FILIP1: variants seen among roughly 807,000 people sequenced by gnomAD.
FILIP1 encodes filamin-A-interacting protein 1.
FILIP1 carries 61 observed loss-of-function variants against 102.1 expected under a neutral mutation model. The observed-to-expected ratio is 0.60, with a 90% confidence interval of 0.49 to 0.74. The LOEUF is 0.74. FILIP1 is among the 30% of genes least tolerant of loss of function. The pLI, the probability that FILIP1 is intolerant of heterozygous loss-of-function variation, is 0.00. For synonymous variants in FILIP1, 491 were observed against 526.9 expected (o/e 0.93, Z 0.93); for missense variants, 1,314 against 1,441.2 (o/e 0.91, Z 1.43).
intron 4 of FILIP1, among the ~76,000 whole-genome samples, chr6:75,332,702 T>A (rs367944100): frequency 1.2e-4 from 19 of 152,336 alleles, no homozygotes; most frequent in African/African-American, 3.8e-4. Context: ...GTCCCTGAAT[T>A]CACAGTATGA....
intron 5 of FILIP1, among the ~76,000 whole-genome samples, chr6:75,309,299 C>T (rs1279305420): frequency 6.6e-6 from 1 of 152,140 alleles, no homozygotes; most frequent in Non-Finnish European, 1.5e-5. Flanking sequence ...TCGCTTTTCA[C>T]CTCCTAAAGA....
At chr6:75,372,703 AAG>A (rs1307079675) in intron 2 of FILIP1, among the ~76,000 whole-genome samples, 1 of 54,860 alleles carries the variant, frequency 1.8e-5, no homozygotes, top group Non-Finnish European at 3.4e-5. Flanking sequence ...AAGAGAAAGA[AAG>A]AAAGAAAGGA....
chr6:75,396,160 C>G (rs1776453508), intron 2 of FILIP1, among the ~76,000 whole-genome samples: 1 of 151,732 alleles, frequency 6.6e-6, no homozygotes, highest in South Asian at 2.1e-4. Context: ...GGACTGCAGA[C>G]AGGTCAGTAT....
At chr6:75,393,006 C>T (rs1410500280) in intron 2 of FILIP1, among the ~76,000 whole-genome samples, 1 of 152,168 alleles carries the variant, frequency 6.6e-6, no homozygotes, top group Non-Finnish European at 1.5e-5. Context: ...TCTTTATCAG[C>T]AGCATGAAAA....
exon 7 of FILIP1, chr6:75,295,697 T>C (rs1772649349): frequency 5.4e-6 from 2 of 372,590 alleles, no homozygotes; most frequent in South Asian, 2.8e-4. Context: ...TTTTGGCACA[T>C]AGATTGAATT....
chr6:75,364,920 A>G (rs1775278023), intron 2 of FILIP1, among the ~76,000 whole-genome samples: 1 of 152,200 alleles, frequency 6.6e-6, no homozygotes, highest in African/African-American at 2.4e-5. Flanking sequence ...GCTTAGACCA[A>G]ATCTGAAAGA....
chr6:75,319,303 G>A lies in FILIP1; in HGVS notation c.630-4101C>T, dbSNP rs188252487. On this transcript the variant is annotated intron_variant, in intron 4 of 5. Coordinates refer to ENST00000237172, the MANE Select transcript of FILIP1 (RefSeq NM_015687.5). ...CAGTTTCTTCCAGCATCACCAATGGGCAGGCCAGGATGTTCTTCTTTGATT... is the reference window on the plus strand; with the variant it reads ...CAGTTTCTTCCAGCATCACCAATGGACAGGCCAGGATGTTCTTCTTTGATT... 109 of 659,666 alleles carry A rather than the reference G, an allele frequency of 1.7e-4. No homozygotes were observed. The African/African-American group carries it at 1.8e-3, about 11-fold the overall frequency. 40.9% of individuals were successfully genotyped at this position (659,666 alleles called of 1,614,324 possible). A position where few individuals can be genotyped will look rare whatever the true frequency, so the allele number is the denominator to read the frequency against.
intron 1 of FILIP1, among the ~76,000 whole-genome samples, chr6:75,443,000 G>C (rs2149724474): frequency 6.6e-6 from 1 of 152,240 alleles, no homozygotes; most frequent in South Asian, 2.1e-4. Context: ...TTATATTTAT[G>C]GTCCACAGTG....
rs535527159 is a variant in FILIP1, at chr6:75,428,798, T to C, written c.-6-13820A>G. Among the ~76,000 whole-genome samples, 5 of 152,304 alleles carry C rather than the reference T, an allele frequency of 3.3e-5. 1 individual carries two copies. In the South Asian group the frequency reaches 1.0e-3, roughly 32 times the overall value. ...ATGATGCCCAACTGACCAAACCTTCTTTGCAGACATGGTTTCAGTGTGTGT... is the reference window on the plus strand; with the variant it reads ...ATGATGCCCAACTGACCAAACCTTCCTTGCAGACATGGTTTCAGTGTGTGT... On this transcript the variant is annotated intron_variant, in intron 1 of 5. Transcript: ENST00000237172.
At chr6:75,359,226 G>A (rs573694972) in intron 3 of FILIP1, among the ~76,000 whole-genome samples, 5 of 151,402 alleles carry the variant, frequency 3.3e-5, no homozygotes, top group African/African-American at 4.9e-5. Context: ...GGCTGGTCTC[G>A]AACTCCTGAC....
At chr6:75,326,068 T>TGATAGATA (rs776226164) in intron 4 of FILIP1, among the ~76,000 whole-genome samples, 46 of 149,200 alleles carry the variant, frequency 3.1e-4, no homozygotes, top group Middle Eastern at 3.4e-3. Flanking sequence ...AGATGATAGA[T>TGATAGATA]GATAGATAGA....
rs183084743 is a variant in FILIP1 at position 75,373,922 on chromosome 6, T to G, written c.277-11005A>C. On this transcript the variant is annotated intron_variant, in intron 2 of 5. Transcript: ENST00000237172. ...TACCTGGGAGGCTGAGAAGGGACGATCACTTGAGTCCAGGAGGTAGAACAC... is the reference window on the plus strand; with the variant it reads ...TACCTGGGAGGCTGAGAAGGGACGAGCACTTGAGTCCAGGAGGTAGAACAC... 3.2e-3 allele frequency among the ~76,000 whole-genome samples: 491 copies of G among 152,256 alleles called. 1 individual carries two copies. The highest frequency in any genetic ancestry group is 0.011 in the African/African-American group (472 of 41,548).
chr6:75,446,425 C>A (rs1216314681), intron 1 of FILIP1, among the ~76,000 whole-genome samples: 1 of 152,162 alleles, frequency 6.6e-6, no homozygotes, highest in Admixed American at 6.5e-5. Flanking sequence ...CTCCCTCTTG[C>A]ATGTTTAGCC....
At chr6:75,484,422 GTCTTT>G (rs1337100619) in intron 1 of FILIP1, among the ~76,000 whole-genome samples, 6 of 150,448 alleles carry the variant, frequency 4.0e-5, no homozygotes, top group Non-Finnish European at 8.9e-5. Flanking sequence ...TTAAAGTACT[GTCTTT>G]TAAAGTACTT....
intron 2 of FILIP1, among the ~76,000 whole-genome samples, chr6:75,392,274 C>T (rs1464311469): frequency 6.6e-6 from 1 of 152,110 alleles, no homozygotes; most frequent in Non-Finnish European, 1.5e-5. Context: ...TAAATAGCAT[C>T]TATATACATG....
intron 1 of FILIP1, chr6:75,455,246 C>T (rs1382922827): frequency 6.6e-6 from 1 of 151,996 alleles, no homozygotes; most frequent in Non-Finnish European, 1.5e-5. Context: ...GAGAGGAGCC[C>T]AGGTTTAAAA....
chr6:75,440,904 G>C (rs141307600), intron 1 of FILIP1, among the ~76,000 whole-genome samples: 1 of 150,334 alleles, frequency 6.7e-6, no homozygotes, highest in South Asian at 2.1e-4. Flanking sequence ...AGCCGAGATC[G>C]TGCCGTTGCA....
intron 1 of FILIP1, among the ~76,000 whole-genome samples, chr6:75,466,998 G>A (rs1047516045): frequency 2.0e-5 from 3 of 152,158 alleles, no homozygotes; most frequent in Admixed American, 6.5e-5. Context: ...GTTATTAACA[G>A]CTAGTTACTG....
intron 2 of FILIP1, among the ~76,000 whole-genome samples, chr6:75,409,791 AACTG>A (rs1776996334): frequency 6.6e-6 from 1 of 152,076 alleles, no homozygotes; most frequent in Non-Finnish European, 1.5e-5. Context: ...GCATTCTGGC[AACTG>A]ACTGACCCCA....
Sources: allele counts gnomAD v4.1 joint callset (sites outside exome capture counted in the v4.1 genomes callset), GRCh38; gene constraint gnomAD v4.1.1; transcripts MANE v1.5; gene names NCBI Gene and HGNC (gene_info 2026-07-23, HGNC 2026-07-21).